Variants in GALNTL6 observed in about 807,000 individuals in gnomAD.
GALNTL6 encodes polypeptide N-acetylgalactosaminyltransferase like 6.
GALNTL6 carries 46 observed loss-of-function variants against 73.7 expected under a neutral mutation model. The observed-to-expected ratio is 0.62, with a 90% confidence interval of 0.49 to 0.80. GALNTL6 has a LOEUF of 0.80. GALNTL6 is among the 30% of genes least tolerant of loss of function. The pLI, the probability that GALNTL6 is intolerant of heterozygous loss-of-function variation, is 0.00. For missense variants in GALNTL6, 604 were observed against 755.0 expected, an observed-to-expected ratio of 0.80 and a Z score of 2.34; for synonymous variants, 259 against 263.7, an observed-to-expected ratio of 0.98 and a Z score of 0.17.
At chr4:172,824,467 ATATATT>A (rs1463890377) in intron 7 of GALNTL6, among the ~76,000 whole-genome samples, 1 of 151,788 alleles carries the variant, frequency 6.6e-6, no homozygotes, top group Non-Finnish European at 1.5e-5. Flanking sequence ...GGTTATTTAT[ATATATT>A]TATATTATTT....
intron 5 of GALNTL6, among the ~76,000 whole-genome samples, chr4:172,397,418 A>G (rs1352249188): frequency 5.3e-5 from 8 of 152,188 alleles, no homozygotes; most frequent in African/African-American, 1.9e-4. Flanking sequence ...ACTGGGAGCC[A>G]CATGCTAATT....
At chr4:172,729,676 C>A (rs1213688000) in intron 5 of GALNTL6, among the ~76,000 whole-genome samples, 3 of 152,066 alleles carry the variant, frequency 2.0e-5, no homozygotes, top group Non-Finnish European at 4.4e-5. Flanking sequence ...ATGAGGCGAC[C>A]AACTTTGTTA....
chr4:172,925,142 G>T (rs1442501171), intron 8 of GALNTL6, among the ~76,000 whole-genome samples: 1 of 151,094 alleles, frequency 6.6e-6, no homozygotes, highest in Non-Finnish European at 1.5e-5. Context: ...AAAGTGCTGG[G>T]ATTACAGGCA....
chr4:171,821,213 A>C (rs553738705), intron 2 of GALNTL6, among the ~76,000 whole-genome samples: 31 of 151,968 alleles, frequency 2.0e-4, no homozygotes, highest in African/African-American at 7.2e-4. Flanking sequence ...CTTTTTAAAA[A>C]ATTTTTTTTG....
intron 5 of GALNTL6, among the ~76,000 whole-genome samples, chr4:172,776,585 GA>G (rs938167625): frequency 7.9e-5 from 12 of 152,152 alleles, no homozygotes; most frequent in South Asian, 4.2e-4. Flanking sequence ...ATTAATCTGA[GA>G]AAAAAATTAC....
At chr4:171,862,557 T>G (rs1351051582) in intron 2 of GALNTL6, among the ~76,000 whole-genome samples, 1 of 152,088 alleles carries the variant, frequency 6.6e-6, no homozygotes, top group Non-Finnish European at 1.5e-5. Context: ...TACTAGCATC[T>G]TACTTAAGGA....
chr4:172,366,426 A>G (rs1340595462), intron 5 of GALNTL6, among the ~76,000 whole-genome samples: 1 of 152,234 alleles, frequency 6.6e-6, no homozygotes, highest in Admixed American at 6.5e-5. Context: ...CATTTTATAT[A>G]AGATATATAA....
At position 172,920,702 on chromosome 4, in the gene GALNTL6, G is replaced by C. The variant is rs548366733; in HGVS notation, c.1042-10459G>C. ...GCTTATTCCCTTGAAATTTACATTT[G>C]AATGTATTATGATCGTAGCTGTTAT... On this transcript the variant is annotated intron_variant, in intron 8 of 12. Transcript: ENST00000506823. 2.0e-5 allele frequency among the ~76,000 whole-genome samples: 3 copies of C among 152,240 alleles called. No homozygotes were observed. The South Asian group carries it at 6.2e-4, about 32-fold the overall frequency.
intron 2 of GALNTL6, among the ~76,000 whole-genome samples, chr4:172,083,564 C>G (rs2110925818): frequency 6.6e-6 from 1 of 152,264 alleles, no homozygotes; most frequent in Non-Finnish European, 1.5e-5. Flanking sequence ...ATTTCCGTAG[C>G]TCCCACCCTT....
chr4:172,568,921 T>C (rs1305773675), intron 5 of GALNTL6, among the ~76,000 whole-genome samples: 1 of 152,136 alleles, frequency 6.6e-6, no homozygotes, highest in Admixed American at 6.5e-5. Context: ...TGATTTTTTT[T>C]TTTAGCTCAT....
At chr4:172,359,505 A>T (rs1356481258) in intron 5 of GALNTL6, among the ~76,000 whole-genome samples, 1 of 152,184 alleles carries the variant, frequency 6.6e-6, no homozygotes, top group African/African-American at 2.4e-5. Context: ...TGAAACGAAA[A>T]TAAGAGTTAA....
At chr4:172,711,411 T>C (rs1734695659) in intron 5 of GALNTL6, among the ~76,000 whole-genome samples, 1 of 152,148 alleles carries the variant, frequency 6.6e-6, no homozygotes, top group Admixed American at 6.5e-5. Flanking sequence ...ATTGTCCTTT[T>C]ATTCTGAGTA....
chr4:172,681,253 C>A (rs1026557279), intron 5 of GALNTL6, among the ~76,000 whole-genome samples: 2 of 152,052 alleles, frequency 1.3e-5, no homozygotes, highest in Admixed American at 6.5e-5. Context: ...TTCTGGAATT[C>A]TTTGTAGTAT....
At chr4:172,062,121 T>C (rs1731223145) in intron 2 of GALNTL6, among the ~76,000 whole-genome samples, 1 of 149,680 alleles carries the variant, frequency 6.7e-6, no homozygotes, top group Admixed American at 6.7e-5. Context: ...AGCTAATTTT[T>C]GTATTTTTTT....
At chr4:172,126,490 G>A (rs1446408356) in intron 2 of GALNTL6, among the ~76,000 whole-genome samples, 1 of 152,136 alleles carries the variant, frequency 6.6e-6, no homozygotes, top group African/African-American at 2.4e-5. Flanking sequence ...GGAAACACCT[G>A]AAGTGTAAGG....
At chr4:172,099,385 T>C (rs1028127694) in intron 2 of GALNTL6, among the ~76,000 whole-genome samples, 1 of 152,140 alleles carries the variant, frequency 6.6e-6, no homozygotes, top group African/African-American at 2.4e-5. Flanking sequence ...TCCATCAAAA[T>C]CAAGACAATT....
rs142175719 is a variant in GALNTL6, at chr4:171,834,539, T to C, written c.138+19821T>C. 7.2e-5 allele frequency among the ~76,000 whole-genome samples: 11 copies of C among 152,090 alleles called. No homozygotes were observed. In the East Asian group the frequency reaches 2.1e-3, roughly 29 times the overall value. ...TTTCTTTGTAGGAAAATAAACATAA[T>C]GGCATGATGTAGGGTTTTCTTTACA... On this transcript the variant is annotated intron_variant, in intron 2 of 12. Coordinates refer to ENST00000506823, the MANE Select transcript of GALNTL6 (RefSeq NM_001034845.3).
At chr4:172,924,832 T>C (rs1313006231) in intron 8 of GALNTL6, among the ~76,000 whole-genome samples, 1 of 152,138 alleles carries the variant, frequency 6.6e-6, no homozygotes, top group African/African-American at 2.4e-5. Flanking sequence ...TGAAGGATTT[T>C]GATAGAGGAA....
chr4:172,533,106 G>A (rs1488884881), intron 5 of GALNTL6, among the ~76,000 whole-genome samples: 6 of 151,062 alleles, frequency 4.0e-5, no homozygotes, highest in Non-Finnish European at 8.8e-5. Flanking sequence ...CCACCTCCTG[G>A]GTTCAAGCAA....
Sources: allele counts gnomAD v4.1 joint callset (sites outside exome capture counted in the v4.1 genomes callset), GRCh38; gene constraint gnomAD v4.1.1; transcripts MANE v1.5; gene names NCBI Gene and HGNC (gene_info 2026-07-23, HGNC 2026-07-21).